ADGRL2: variants seen among roughly 807,000 people sequenced by gnomAD.
ADGRL2 encodes calcium-independent alpha-latrotoxin receptor 2.
In ADGRL2, 44 loss-of-function variants were observed where a neutral mutation model predicts 157.4. The ratio of observed to expected loss-of-function variants is 0.28; its 90% confidence interval spans 0.22 to 0.36. ADGRL2 has a LOEUF of 0.36. ADGRL2 is among the 10% of genes least tolerant of loss of function. The probability of loss-of-function intolerance (pLI) is 1.00; values close to 1 mark genes in which losing one functional copy is unlikely to be tolerated. For missense variants in ADGRL2, 1,510 were observed against 1,768.9 expected, an observed-to-expected ratio of 0.85 and a Z score of 2.63; for synonymous variants, 585 against 624.7, an observed-to-expected ratio of 0.94 and a Z score of 0.95.
chr1:81,422,489 C>A (rs913337053), intron 1 of ADGRL2, among the ~76,000 whole-genome samples: 1 of 152,250 alleles, frequency 6.6e-6, no homozygotes, highest in Non-Finnish European at 1.5e-5. Context: ...AAGTGATCCA[C>A]CCGCCTCGGC....
chr1:81,727,466 C>T (rs2084570312), intron 1 of ADGRL2, among the ~76,000 whole-genome samples: 1 of 151,976 alleles, frequency 6.6e-6, no homozygotes, highest in South Asian at 2.1e-4. Context: ...TGGAGTCTTG[C>T]TCCGTCACCA....
chr1:81,993,803 G>C lies in ADGRL2; in HGVS notation c.*2658G>C, dbSNP rs1664987718. Among the ~76,000 whole-genome samples, 1 of 152,042 alleles carries C rather than the reference G, an allele frequency of 6.6e-6. No homozygotes were observed. The highest frequency in any genetic ancestry group is 1.5e-5 in the Non-Finnish European group (1 of 68,022). On this transcript the variant is annotated 3_prime_UTR_variant, in exon 24 of 24. Coordinates refer to ENST00000686636, the MANE Select transcript of ADGRL2 (RefSeq NM_001366006.2). The stretch of plus-strand genomic sequence containing the variant: ...CTGAATGTACAGTTTTCACATTCTT[G>C]ATTGTTTCTCTTTGTGATAGTCACA...
At chr1:81,894,218 A>AT (rs1413097429) in intron 2 of ADGRL2, among the ~76,000 whole-genome samples, 2 of 152,224 alleles carry the variant, frequency 1.3e-5, no homozygotes, top group African/African-American at 4.8e-5. Flanking sequence ...ACACAGATAC[A>AT]TAATGAATGA....
At chr1:81,393,702 G>T (rs978443975) in intron 1 of ADGRL2, among the ~76,000 whole-genome samples, 4 of 151,966 alleles carry the variant, frequency 2.6e-5, no homozygotes, top group Admixed American at 2.6e-4. Context: ...TACTAAGAAA[G>T]GTTGTGCCAA....
chr1:81,830,982 G>A (rs12759452), intron 1 of ADGRL2, among the ~76,000 whole-genome samples: 21,339 of 151,970 alleles, frequency 0.14, 1,656 homozygotes, highest in East Asian at 0.2. Flanking sequence ...ATATTGATTC[G>A]GGGAATGGCC....
intron 3 of ADGRL2, among the ~76,000 whole-genome samples, chr1:81,659,059 T>G (rs1376480810): frequency 3.8e-5 from 5 of 131,126 alleles, no homozygotes; most frequent in Non-Finnish European, 6.5e-5. Context: ...GCAATTTTTT[T>G]TTTTTTTTTT....
chr1:81,454,505 A>G (rs914569616), intron 2 of ADGRL2, among the ~76,000 whole-genome samples: 1 of 152,140 alleles, frequency 6.6e-6, no homozygotes, highest in Admixed American at 6.5e-5. Flanking sequence ...TCAAAAATTC[A>G]AGGCTTACAG....
intron 3 of ADGRL2, among the ~76,000 whole-genome samples, chr1:81,643,064 C>T (rs1395167468): frequency 1.3e-5 from 2 of 152,062 alleles, no homozygotes; most frequent in Non-Finnish European, 2.9e-5. Flanking sequence ...CAATATCATA[C>T]TGAAAGTCAT....
intron 2 of ADGRL2, among the ~76,000 whole-genome samples, chr1:81,453,161 G>GA (rs759611201): frequency 1.4e-4 from 21 of 152,240 alleles, no homozygotes; most frequent in African/African-American, 3.1e-4. Flanking sequence ...TACATTGGGG[G>GA]AAAAAATCTG....
At chr1:81,797,516 TG>T (rs2087649697), upstream of ADGRL2, among the ~76,000 whole-genome samples, 1 of 152,196 alleles carries the variant, frequency 6.6e-6, no homozygotes, top group Non-Finnish European at 1.5e-5. Context: ...CTATAGCCAT[TG>T]GCCAGAGTAG....
At chr1:81,715,637 C>T (rs774736472) in intron 1 of ADGRL2, among the ~76,000 whole-genome samples, 3 of 152,094 alleles carry the variant, frequency 2.0e-5, no homozygotes, top group Non-Finnish European at 4.4e-5. Flanking sequence ...CATGACGTGC[C>T]TGGTACTCCC....
At chr1:81,946,263 C>T (rs1475395) in intron 6 of ADGRL2, among the ~76,000 whole-genome samples, 58,702 of 151,316 alleles carry the variant, frequency 0.39, 11,695 homozygotes, top group Middle Eastern at 0.44. Flanking sequence ...ATATATTAGC[C>T]TCAATACTTT....
At chr1:81,554,035 C>T (rs969814351) in intron 2 of ADGRL2, among the ~76,000 whole-genome samples, 2 of 152,154 alleles carry the variant, frequency 1.3e-5, no homozygotes, top group African/African-American at 4.8e-5. Context: ...TTCTACTGAC[C>T]AGATTCCTCC....
chr1:81,881,613 T>C (rs1382143390), intron 2 of ADGRL2, among the ~76,000 whole-genome samples: 1 of 152,218 alleles, frequency 6.6e-6, no homozygotes, highest in Non-Finnish European at 1.5e-5. Context: ...TGTCTGTTCA[T>C]CCTGCCAGGG....
At chr1:81,426,331 C>T (rs186485726) in intron 1 of ADGRL2, 13 of 261,906 alleles carry the variant, frequency 5.0e-5, no homozygotes, top group Non-Finnish European at 9.7e-5. Context: ...AACCATGTTT[C>T]AGGGGAGAAA....
At chr1:81,418,876 C>T (rs192925383) in intron 1 of ADGRL2, among the ~76,000 whole-genome samples, 26 of 152,280 alleles carry the variant, frequency 1.7e-4, no homozygotes, top group Non-Finnish European at 2.2e-4. Flanking sequence ...AAAATAGAAT[C>T]TATACTTTGA....
intron 2 of ADGRL2, among the ~76,000 whole-genome samples, chr1:81,881,749 C>T (rs1217923610): frequency 2.0e-5 from 3 of 152,256 alleles, no homozygotes; most frequent in East Asian, 1.9e-4. Context: ...TATATCCTTC[C>T]GTGTATGGAT....
upstream of ADGRL2, among the ~76,000 whole-genome samples, chr1:81,796,766 C>T (rs572193181): frequency 2.0e-5 from 3 of 152,204 alleles, no homozygotes; most frequent in South Asian, 6.2e-4. Flanking sequence ...TGATTATATA[C>T]TTCTAAATTA....
intron 2 of ADGRL2, among the ~76,000 whole-genome samples, chr1:81,509,801 T>A (rs1323836191): frequency 6.6e-6 from 1 of 152,174 alleles, no homozygotes; most frequent in East Asian, 1.9e-4. Flanking sequence ...CACCAGCCAT[T>A]TCTTGTGTGC....
Sources: gnomAD v4.1 joint callset for allele counts (sites outside exome capture counted in the v4.1 genomes callset) on GRCh38, gnomAD v4.1.1 for gene constraint, MANE v1.5 for transcripts, NCBI Gene and HGNC (gene_info 2026-07-23, HGNC 2026-07-21) for gene names.